PAK4: variants seen among roughly 807,000 people sequenced by gnomAD.
The protein encoded by PAK4 is p21 (RAC1) activated kinase 4.
In PAK4, 49 loss-of-function variants were observed where a neutral mutation model predicts 53.5. That is an observed-to-expected ratio of 0.92 (90% CI 0.73 to 1.16). PAK4 has a LOEUF of 1.16. Ranked by LOEUF, PAK4 falls within the 50% of genes most tolerant of loss-of-function variation. The pLI is 0.00. For missense variants in PAK4, 824 were observed against 850.7 expected (o/e 0.97, Z 0.39); for synonymous variants, 376 against 375.6 (o/e 1.00, Z -0.01).
chr19:39,168,260 T>G (rs962524452), intron 1 of PAK4: 6 of 152,186 alleles, frequency 3.9e-5, no homozygotes, highest in Admixed American at 1.3e-4. Context: ...AGAGGAGTGG[T>G]CACCTGCCTG....
chr19:39,161,103 G>T lies in PAK4; in HGVS notation c.-22-8429G>T, dbSNP rs886298956. Reference sequence around the variant, plus strand: ...CCCAGCACCCAGCACTGTTTAGAGGGCTCCGCGTGGCCTGGTCTGTGTGCC... The same window carrying T: ...CCCAGCACCCAGCACTGTTTAGAGGTCTCCGCGTGGCCTGGTCTGTGTGCC... On this transcript the variant is annotated intron_variant, in intron 1 of 8. Transcript: ENST00000358301. The surrounding 1 kb of genome is among the most constrained non-coding windows in gnomAD (Gnocchi z 4.5). Among the ~76,000 whole-genome samples the T allele has an allele frequency of 8.5e-5, 13 of 152,216 alleles. No homozygotes were observed. Among genetic ancestry groups the T allele is most frequent in the African/African-American group, 2.9e-4 (12 of 41,460 alleles).
At chr19:39,151,320 G>A (rs1448262312) in intron 1 of PAK4, among the ~76,000 whole-genome samples, 1 of 152,190 alleles carries the variant, frequency 6.6e-6, no homozygotes, top group East Asian at 1.9e-4. Context: ...GCTGAGGGGG[G>A]CCACACCTCA....
chr19:39,172,219 G>T (rs1167526722), intron 2 of PAK4, among the ~76,000 whole-genome samples: 7 of 151,636 alleles, frequency 4.6e-5, no homozygotes, highest in Admixed American at 1.3e-4. Context: ...GGCCCTGGGC[G>T]CAGGGGGGCG....
chr19:39,173,598 C>A lies in PAK4; in HGVS notation c.686C>A (p.Pro229His). ...CAGGGGGAGCCTCATGACGTGGCCC[C>A]TAACGGGCCATCAGCGGGGGGCCTG... Residue 229 changes from proline (P) to histidine (H), a missense_variant, in exon 4 of 9, where the codon CCT (proline) becomes CAT (histidine). Pro to His is a moderately conservative substitution (Grantham distance 77, BLOSUM62 -2). Around this residue, in one of 2 missense-constraint regions of PAK4, gnomAD observed 478 missense variants for 435.8 expected, o/e 1.10. Transcript: ENST00000358301. The surrounding 1 kb of genome is among the most constrained non-coding windows in gnomAD (Gnocchi z 6.9). 1 of 1,529,462 alleles carries A rather than the reference C, an allele frequency of 6.5e-7. No homozygotes were observed. Among genetic ancestry groups the A allele is most frequent in the East Asian group, 2.3e-5 (1 of 44,150 alleles). 94.7% of individuals were successfully genotyped at this position (1,529,462 alleles called of 1,614,324 possible).
rs1298374318 is a variant in PAK4, at chr19:39,149,743, C to T, written c.-22-19789C>T. On this transcript the variant is annotated intron_variant, in intron 1 of 8. Coordinates refer to ENST00000358301, the Ensembl canonical transcript of PAK4. ...TGGTGGTGGGCGCCTGTAGTCCCAGCTACATGGAAGGCTGAGGCATGAGAA... is the reference window on the plus strand; with the variant it reads ...TGGTGGTGGGCGCCTGTAGTCCCAGTTACATGGAAGGCTGAGGCATGAGAA... Among the ~76,000 whole-genome samples, 3 of 152,018 alleles carry T rather than the reference C, an allele frequency of 2.0e-5. No individual in the cohort carries two copies. In the East Asian group the frequency reaches 5.8e-4, roughly 29 times the overall value.
intron 1 of PAK4, among the ~76,000 whole-genome samples, chr19:39,147,499 C>T (rs570075611): frequency 2.6e-5 from 4 of 152,300 alleles, no homozygotes; most frequent in Admixed American, 1.3e-4. Flanking sequence ...GTTTTTGTTT[C>T]TCTGGGGCCA....
At chr19:39,139,029 C>A (rs1364442437) in intron 1 of PAK4, among the ~76,000 whole-genome samples, 1 of 152,162 alleles carries the variant, frequency 6.6e-6, no homozygotes, top group African/African-American at 2.4e-5. Flanking sequence ...CCGATTCCTC[C>A]CCTGATTCAC....
rs1024956192 is a variant in PAK4 at position 39,173,996 on chromosome 19, C to A, written c.1084C>A (p.Leu362Met). Residue 362 changes from leucine to methionine, a missense_variant, in exon 4 of 9, where the codon CTG becomes ATG. Physicochemically the swap from Leu to Met is conservative, Grantham distance 15. Coordinates refer to ENST00000358301, the Ensembl canonical transcript of PAK4. This position sits in a 1 kb window ranked among gnomAD's most constrained non-coding sequence, Gnocchi z 6.9. ...CCTGCGCAAGCAGCAGAGGCGCGAG[C>A]TGCTCTTCAACGAGGTGCGGGCGCT... The A allele has an allele frequency of 2.5e-6, 4 of 1,597,702 alleles. No homozygotes were observed. Among genetic ancestry groups the A allele is most frequent in the Non-Finnish European group, 3.4e-6 (4 of 1,174,754 alleles).
chr19:39,146,362 T>C (rs7260015), intron 1 of PAK4, among the ~76,000 whole-genome samples: 2,833 of 152,262 alleles, frequency 0.019, 90 homozygotes, highest in African/African-American at 0.065. Context: ...AGGAGGAGAC[T>C]TCAGAGCTGA....
At position 39,175,708 on chromosome 19, in the gene PAK4, C is replaced by A. The variant is rs985104229; in HGVS notation, c.1359+270C>A. On this transcript the variant is annotated intron_variant, in intron 6 of 8. Transcript: ENST00000358301. This position sits in a 1 kb window ranked among gnomAD's most constrained non-coding sequence, Gnocchi z 4.7. ...GGGGCAGGGATCTGGGCAGACAGCG[C>A]AGCCCCCGCCACAGGCTTCTTCCTC... Among the ~76,000 whole-genome samples the A allele has an allele frequency of 6.6e-6, 1 of 152,098 alleles. No homozygotes were observed. Among genetic ancestry groups the A allele is most frequent in the Non-Finnish European group, 1.5e-5 (1 of 67,972 alleles).
chr19:39,127,664 A>G (rs1234668745), intron 1 of PAK4, among the ~76,000 whole-genome samples: 1 of 151,978 alleles, frequency 6.6e-6, no homozygotes, highest in Non-Finnish European at 1.5e-5. Flanking sequence ...CTCAGAGGGC[A>G]CTCAGTTCCC....
chr19:39,141,105 C>T (rs192045799), intron 1 of PAK4, among the ~76,000 whole-genome samples: 1 of 152,294 alleles, frequency 6.6e-6, no homozygotes, highest in Non-Finnish European at 1.5e-5. Flanking sequence ...GAAATGTTCA[C>T]ACATACCCAG....
At chr19:39,136,033 A>AC (rs2073808737) in intron 1 of PAK4, among the ~76,000 whole-genome samples, 1 of 25,940 alleles carries the variant, frequency 3.9e-5, no homozygotes, top group Non-Finnish European at 7.2e-5. Context: ...CTTCCTCGCC[A>AC]CCCCCTTCCT....
intron 1 of PAK4, among the ~76,000 whole-genome samples, chr19:39,164,383 C>T (rs1009560004): frequency 4.0e-5 from 6 of 151,556 alleles, no homozygotes; most frequent in African/African-American, 1.5e-4. Flanking sequence ...TAGAGGGCGA[C>T]AGGACAGGAG....
rs928265550 is a variant in PAK4 at position 39,178,935 on chromosome 19, AGTGT to A, written c.*360_*363del. 1.4e-4 allele frequency: 34 copies of A among 240,296 alleles called. No homozygotes were observed. Among genetic ancestry groups the A allele is most frequent in the African/African-American group, 7.9e-4 (32 of 40,730 alleles). 14.9% of individuals were successfully genotyped at this position (240,296 alleles called of 1,614,324 possible). ...GAACACTAAGAGGTGAACATGTATG[AGTGT>A]GTGCACGCGTGTGAGTGTGCATGTG... On this transcript the variant is annotated 3_prime_UTR_variant, in exon 9 of 9. Transcript: ENST00000358301. This position sits in a 1 kb window ranked among gnomAD's most constrained non-coding sequence, Gnocchi z 4.4.
intron 1 of PAK4, among the ~76,000 whole-genome samples, chr19:39,148,761 T>TC (rs1269858093): frequency 1.3e-5 from 2 of 152,042 alleles, no homozygotes; most frequent in Non-Finnish European, 2.9e-5. Flanking sequence ...TGCCTGCTTT[T>TC]TTTTTTTCCA....
At chr19:39,162,034 G>A (rs527406967) in intron 1 of PAK4, among the ~76,000 whole-genome samples, 2 of 152,050 alleles carry the variant, frequency 1.3e-5, no homozygotes, top group African/African-American at 2.4e-5. Context: ...ATCTTGGCTC[G>A]CTGCAACTTC....
chr19:39,129,810 G>A (rs1040251050), intron 1 of PAK4, among the ~76,000 whole-genome samples: 34 of 152,312 alleles, frequency 2.2e-4, no homozygotes, highest in Admixed American at 2.1e-3. Flanking sequence ...GCCCTTGGGG[G>A]CAGGTGCCAG....
chr19:39,133,872 T>G (rs2073760885), intron 1 of PAK4, among the ~76,000 whole-genome samples: 2 of 152,210 alleles, frequency 1.3e-5, no homozygotes, highest in Non-Finnish European at 2.9e-5. Context: ...CTGGGCTGCG[T>G]GGGGTGCCAG....
Sources: gnomAD v4.1 joint callset for allele counts (sites outside exome capture counted in the v4.1 genomes callset) on GRCh38, gnomAD v4.1.1 for gene constraint, gnomAD v4.1.1 regional missense constraint, Gnocchi (gnomAD v3.1) non-coding constraint, MANE v1.5 for transcripts, NCBI Gene and HGNC (gene_info 2026-07-23, HGNC 2026-07-21) for gene names.